HEG1: variants seen among roughly 807,000 people sequenced by gnomAD.
The protein encoded by HEG1 is heart development protein with EGF like domains 1.
HEG1 carries 56 observed loss-of-function variants against 125.6 expected under a neutral mutation model. The ratio of observed to expected loss-of-function variants is 0.45; its 90% confidence interval spans 0.36 to 0.56. The LOEUF is 0.56. HEG1 is among the 20% of genes least tolerant of loss of function. The pLI, the probability that HEG1 is intolerant of heterozygous loss-of-function variation, is 0.00. For synonymous variants in HEG1, 644 were observed against 668.5 expected (o/e 0.96, Z 0.57); for missense variants, 1,523 against 1,670.0 (o/e 0.91, Z 1.53).
chr3:124,987,960 T>C (rs1292274767), intron 14 of HEG1, among the ~76,000 whole-genome samples: 417 of 39,800 alleles, frequency 0.01, 12 homozygotes, highest in African/African-American at 0.02. Context: ...CACATATATA[T>C]ATATATATAT....
Position 125,002,262 on chromosome 3 carries a change from G to C in HEG1, c.3351C>G (p.Ala1117=), listed in dbSNP as rs746162218. ...LPSYIRSTVH[A]SRESNAVVIS... ...AATATAATTCTGTTACTTACCTAGA[G>C]GCGTGAACTGTAGATCGGATGTAAC... Residue 1117 remains alanine, a synonymous_variant, in exon 10 of 17, where the codon GCC becomes GCG. Coordinates refer to ENST00000311127, the MANE Select transcript of HEG1 (RefSeq NM_020733.2). The C allele has an allele frequency of 6.2e-7, 1 of 1,612,276 alleles. No homozygotes were observed. The highest frequency in any genetic ancestry group is 1.1e-5 in the South Asian group (1 of 90,922).
intron 1 of HEG1, among the ~76,000 whole-genome samples, chr3:125,039,972 A>G (rs532386342): frequency 5.3e-5 from 8 of 152,376 alleles, no homozygotes; most frequent in Admixed American, 3.9e-4. Flanking sequence ...GGAATCAGAC[A>G]GACTTGATTT....
chr3:125,021,053 C>T lies in HEG1; in HGVS notation c.991G>A (p.Val331Ile), dbSNP rs1352773426. Reference protein sequence around the residue: ...SSVSQTKTMHVATVFTDGGPR... With the variant: ...SSVSQTKTMHIATVFTDGGPR... ...CCACCATCAGTGAACACGGTGGCAA[C>T]ATGCATTGTCTTTGTTTGACTGACT... The change falls in exon 4 of 17, where the codon GTT (valine) becomes ATT (isoleucine). Residue 331 changes from valine to isoleucine, a missense_variant. Coordinates refer to ENST00000311127, the MANE Select transcript of HEG1 (RefSeq NM_020733.2). 5 of 1,608,856 alleles carry T rather than the reference C, an allele frequency of 3.1e-6. No homozygotes were observed. The African/African-American group carries it at 6.7e-5, about 21-fold the overall frequency.
intron 1 of HEG1, among the ~76,000 whole-genome samples, chr3:125,043,950 T>C (rs1024567913): frequency 3.9e-5 from 6 of 152,306 alleles, no homozygotes; most frequent in Middle Eastern, 3.4e-3. Context: ...CAGCCCGGCC[T>C]GGGCCCGGGC....
intron 14 of HEG1, among the ~76,000 whole-genome samples, chr3:124,987,811 C>A (rs903046134): frequency 6.6e-6 from 1 of 151,062 alleles, no homozygotes; most frequent in African/African-American, 2.4e-5. Flanking sequence ...TGAGCCACAG[C>A]GCCCGGCCAA....
intron 1 of HEG1, among the ~76,000 whole-genome samples, chr3:125,046,458 G>C (rs1035459422): frequency 2.0e-5 from 3 of 148,800 alleles, no homozygotes; most frequent in Non-Finnish European, 4.4e-5. Context: ...TAATTATACA[G>C]ATGAGGTCTC....
intron 3 of HEG1, among the ~76,000 whole-genome samples, 189 bp from the exon 4 acceptor site, chr3:125,021,319 G>A (rs1937332912): frequency 6.6e-6 from 1 of 151,862 alleles, no homozygotes; most frequent in African/African-American, 2.4e-5. Context: ...CCCCTTACTA[G>A]GTCTAATCCT....
chr3:125,003,843 C>T (rs115793993), intron 9 of HEG1, among the ~76,000 whole-genome samples: 2,196 of 152,314 alleles, frequency 0.014, 55 homozygotes, highest in African/African-American at 0.051. Flanking sequence ...ACTCTCTGCC[C>T]CGTGCATCTC....
intron 12 of HEG1, among the ~76,000 whole-genome samples, chr3:124,997,319 T>G (rs1391317893): frequency 1.3e-5 from 2 of 152,140 alleles, no homozygotes; most frequent in African/African-American, 4.8e-5. Flanking sequence ...GATATAAGCC[T>G]GACCCCACGC....
chr3:125,055,436 G>T (rs535857639), intron 1 of HEG1, 139 bp downstream of exon 1: 4 of 487,624 alleles, frequency 8.2e-6, no homozygotes, highest in Non-Finnish European at 1.2e-5. Context: ...CGACCCTCAG[G>T]GTCCCGCACA....
In HEG1 at chr3:125,014,769, A is replaced by C. The variant is rs181155128; in HGVS notation, c.1589-779T>G. Reference sequence around the variant, plus strand: ...TGAGACCAGGCCCATGTCGTCCGTCACGTTTACGTGCAGAGAGGCACCCTC... The same window carrying C: ...TGAGACCAGGCCCATGTCGTCCGTCCCGTTTACGTGCAGAGAGGCACCCTC... On this transcript the variant is annotated intron_variant, in intron 5 of 16. Coordinates refer to ENST00000311127, the MANE Select transcript of HEG1 (RefSeq NM_020733.2). The C allele has an allele frequency of 1.6e-4, 208 of 1,289,418 alleles. 2 individuals carry two copies. The East Asian group carries it at 9.0e-3, about 56-fold the overall frequency. 79.9% of individuals were successfully genotyped at this position (1,289,418 alleles called of 1,614,324 possible).
chr3:124,976,853 A>C (rs893465077), intron 15 of HEG1, among the ~76,000 whole-genome samples: 1 of 152,164 alleles, frequency 6.6e-6, no homozygotes, highest in African/African-American at 2.4e-5. Flanking sequence ...CAGGAGTGGA[A>C]GCAGCCTGAG....
chr3:125,005,209 A>C, intron 9 of HEG1, 56 bp downstream of exon 9: 1 of 1,066,406 alleles, frequency 9.4e-7, no homozygotes, highest in East Asian at 2.5e-5. Flanking sequence ...CTCTTGGAAT[A>C]AAATCTGTTC....
chr3:124,980,253 G>A (rs1036485721), intron 14 of HEG1, among the ~76,000 whole-genome samples: 1 of 152,118 alleles, frequency 6.6e-6, no homozygotes, highest in Non-Finnish European at 1.5e-5. Flanking sequence ...AAGCAAATCT[G>A]ATCTTGCCAT....
At chr3:124,990,654 C>A (rs182476229) in intron 14 of HEG1, 133 bp downstream of exon 14, 129 of 842,408 alleles carry the variant, frequency 1.5e-4, no homozygotes, top group Admixed American at 1.3e-3. Context: ...CTTTGTTTCC[C>A]CCATGCCATT....
intron 8 of HEG1, among the ~76,000 whole-genome samples, chr3:125,006,719 T>C (rs187882331): frequency 5.3e-5 from 8 of 152,348 alleles, no homozygotes; most frequent in East Asian, 1.9e-4. Flanking sequence ...GTTCCTCTGA[T>C]GTTTATGAAC....
At chr3:125,052,626 T>A (rs577491108) in intron 1 of HEG1, among the ~76,000 whole-genome samples, 2 of 152,288 alleles carry the variant, frequency 1.3e-5, no homozygotes, top group East Asian at 3.9e-4. Context: ...TGCATTCAGC[T>A]TAGAACTGTG....
intron 6 of HEG1, 55 bp downstream of exon 6, chr3:125,012,568 C>G (rs754059023): frequency 1.3e-6 from 2 of 1,513,466 alleles, no homozygotes; most frequent in Non-Finnish European, 1.8e-6. Context: ...CCATGTAGCT[C>G]TCAGTGCTGG....
chr3:125,015,246 T>C (rs1204839101), intron 5 of HEG1, among the ~76,000 whole-genome samples: 2 of 152,262 alleles, frequency 1.3e-5, no homozygotes, highest in South Asian at 4.1e-4. Context: ...GGTATATTAC[T>C]TTAGCAAATA....
Sources: gnomAD v4.1 joint callset for allele counts (sites outside exome capture counted in the v4.1 genomes callset) on GRCh38, gnomAD v4.1.1 for gene constraint, MANE v1.5 for transcripts, NCBI Gene and HGNC (gene_info 2026-07-23, HGNC 2026-07-21) for gene names.